BICDL1: variants seen among roughly 807,000 people sequenced by gnomAD.
BICDL1 encodes BICD family like cargo adaptor 1, also known as BICD family-like cargo adapter 1.
In BICDL1, 20 loss-of-function variants were observed where a neutral mutation model predicts 76.8. That is an observed-to-expected ratio of 0.26 (90% CI 0.18 to 0.38). BICDL1 has a LOEUF of 0.38. BICDL1 is among the 10% of genes least tolerant of loss of function. BICDL1 has a pLI of 1.00. For synonymous variants in BICDL1, 383 were observed against 337.1 expected, an observed-to-expected ratio of 1.14 and a Z score of -1.49; for missense variants, 700 against 798.6, an observed-to-expected ratio of 0.88 and a Z score of 1.49.
At chr12:120,072,792 C>A (rs1873208188) in intron 6 of BICDL1, 63 bp downstream of exon 6, 2 of 1,407,102 alleles carry the variant, frequency 1.4e-6, no homozygotes, top group Admixed American at 3.5e-5. Context: ...GGTTAGAACC[C>A]AGTGCATAGG....
chr12:120,067,872 TTC>T (rs1323742802), intron 4 of BICDL1, among the ~76,000 whole-genome samples: 1 of 152,210 alleles, frequency 6.6e-6, no homozygotes, highest in Non-Finnish European at 1.5e-5. Flanking sequence ...ATGTTTTTCT[TTC>T]TGAGTCTCCT....
chr12:120,044,315 G>A (rs976126059), intron 2 of BICDL1, among the ~76,000 whole-genome samples: 1 of 152,176 alleles, frequency 6.6e-6, no homozygotes, highest in African/African-American at 2.4e-5. Context: ...TGGTGGCGGG[G>A]TGAGGTGGGG....
chr12:120,089,925 G>C (rs370456572), intron 8 of BICDL1, 26 bp from the exon 9 acceptor site: 65 of 1,612,440 alleles, frequency 4.0e-5, no homozygotes, highest in Non-Finnish European at 5.3e-5. Context: ...AGGTGTCCAT[G>C]TTCACCCTGG....
chr12:119,990,100 G>T lies in BICDL1; in HGVS notation c.232G>T (p.Ala78Ser), dbSNP rs2138564381. The T allele has an allele frequency of 1.3e-6, 2 of 1,548,894 alleles. No homozygotes were observed. Among genetic ancestry groups the T allele is most frequent in the South Asian group, 2.4e-5 (2 of 83,984 alleles). ...GTCCGACCCCGGGGAACACCCTCAG[G>T]CCGAGCCTGGGTCTCTGGCCGAGGG... ...RPSDPGEHPQ[A>S]EPGSLAEGAG... The change falls in exon 1 of 10, where the codon GCC becomes TCC. Residue 78 changes from alanine to serine, a missense_variant. By Grantham distance (99) the Ala-to-Ser change is moderately conservative (BLOSUM62 1). Around this residue, in one of 3 missense-constraint regions of BICDL1, gnomAD observed 225 missense variants for 199.6 expected, o/e 1.13. Coordinates refer to ENST00000548673, the MANE Select transcript of BICDL1 (RefSeq NM_001367886.1).
Position 120,092,992 on chromosome 12 carries a change from C to T in BICDL1, c.1705-8C>T, listed in dbSNP as rs1316254259. Reference sequence around the variant, plus strand: ...TCAGTCCTGGCCACTGTCCCCTCCCCTCTGCAGGATGACATGCACAGGGTC... The same window carrying T: ...TCAGTCCTGGCCACTGTCCCCTCCCTTCTGCAGGATGACATGCACAGGGTC... On this transcript the variant is annotated splice_region_variant and splice_polypyrimidine_tract_variant and intron_variant, in intron 9 of 9. Coordinates refer to ENST00000548673, the MANE Select transcript of BICDL1 (RefSeq NM_001367886.1). The T allele has an allele frequency of 1.2e-5, 18 of 1,549,346 alleles. No individual in the cohort carries two copies. The highest frequency in any genetic ancestry group is 1.5e-5 in the Non-Finnish European group (17 of 1,146,008).
At chr12:120,040,395 T>C (rs1483044713) in intron 2 of BICDL1, among the ~76,000 whole-genome samples, 2 of 151,844 alleles carry the variant, frequency 1.3e-5, no homozygotes, top group African/African-American at 4.8e-5. Flanking sequence ...CCCAGCCTTC[T>C]TTTTCTTTTC....
intron 9 of BICDL1, 136 bp from the exon 10 acceptor site, chr12:120,092,864 G>A: frequency 1.4e-6 from 2 of 1,438,798 alleles, no homozygotes; most frequent in South Asian, 3.1e-5. Context: ...TTCTTGGTCA[G>A]GGCAGTCCCG....
rs772169138 is a variant in BICDL1 at position 120,093,055 on chromosome 12, G to A, written c.1760G>A (p.Arg587Gln). The A allele has an allele frequency of 3.8e-5, 61 of 1,600,574 alleles. No homozygotes were observed. The Middle Eastern group carries it at 5.0e-4, about 13-fold the overall frequency. The change falls in exon 10 of 10, where the codon CGG becomes CAG. Residue 587 changes from arginine to glutamine, a missense_variant. Physicochemically the swap from Arg to Gln is conservative, Grantham distance 43. Around this residue, in one of 3 missense-constraint regions of BICDL1, gnomAD observed 455 missense variants for 548.7 expected, o/e 0.83. Coordinates refer to ENST00000548673, the MANE Select transcript of BICDL1 (RefSeq NM_001367886.1). ...RQLMDTHLKE[R>Q]SQPAAALCRG... ...CTGATGGACACGCACCTGAAAGAAC[G>A]GAGCCAGCCGGCTGCTGCCCTCTGC...
At chr12:120,040,024 A>G (rs1025097734) in intron 2 of BICDL1, among the ~76,000 whole-genome samples, 71 of 152,202 alleles carry the variant, frequency 4.7e-4, no homozygotes, top group Non-Finnish European at 7.6e-4. Context: ...AGAATGTCCC[A>G]CTGGGATGTT....
chr12:120,091,691 G>A (rs978417655), intron 9 of BICDL1: 54 of 985,290 alleles, frequency 5.5e-5, no homozygotes, highest in African/African-American at 4.9e-4. Flanking sequence ...GAGCCAGAGC[G>A]CGTGAGGGGT....
chr12:119,997,843 C>A (rs945575533), intron 1 of BICDL1, among the ~76,000 whole-genome samples: 3 of 152,048 alleles, frequency 2.0e-5, no homozygotes, highest in Admixed American at 6.6e-5. Flanking sequence ...GGGTGGGGCA[C>A]GGTGGCTCAC....
chr12:120,081,349 CTTTTTTTTT>C (rs1184204926), intron 8 of BICDL1, among the ~76,000 whole-genome samples: 1 of 116,964 alleles, frequency 8.5e-6, no homozygotes. Flanking sequence ...AAGAGCTTTC[CTTTTTTTTT>C]TTTTTTTTTT....
At chr12:120,016,481 C>G in intron 2 of BICDL1, among the ~76,000 whole-genome samples, 1 of 148,780 alleles carries the variant, frequency 6.7e-6, no homozygotes, top group Non-Finnish European at 1.5e-5. Context: ...ACTCTGTCAC[C>G]CATGCTGGAG....
At chr12:119,995,238 C>T (rs1951617179) in intron 1 of BICDL1, among the ~76,000 whole-genome samples, 2 of 152,134 alleles carry the variant, frequency 1.3e-5, no homozygotes, top group Admixed American at 6.5e-5. Flanking sequence ...AAATATAATT[C>T]TAGGAGAAAC....
chr12:120,072,216 T>G (rs1410788338), intron 5 of BICDL1, among the ~76,000 whole-genome samples: 2 of 152,238 alleles, frequency 1.3e-5, no homozygotes, highest in African/African-American at 2.4e-5. Context: ...TTCCCCTGAT[T>G]GTTTTCTGAC....
intron 2 of BICDL1, among the ~76,000 whole-genome samples, chr12:120,013,425 A>G (rs1170775879): frequency 6.8e-6 from 1 of 147,462 alleles, no homozygotes; most frequent in Non-Finnish European, 1.5e-5. Context: ...TGCAGGGACT[A>G]TGTCTTTAAC....
intron 2 of BICDL1, among the ~76,000 whole-genome samples, chr12:120,006,844 G>T (rs1458099951): frequency 6.6e-6 from 1 of 152,084 alleles, no homozygotes; most frequent in Admixed American, 6.6e-5. Flanking sequence ...TATGTTTTTG[G>T]CAGGGGAGCA....
chr12:120,092,552 A>G, intron 9 of BICDL1: 1 of 985,452 alleles, frequency 1.0e-6, no homozygotes, highest in Non-Finnish European at 1.2e-6. Flanking sequence ...AGGCCAGGCC[A>G]TTGGGCTGGG....
intron 8 of BICDL1, among the ~76,000 whole-genome samples, chr12:120,089,024 TCTGACTAG>T (rs1453867335): frequency 1.3e-5 from 2 of 152,204 alleles, no homozygotes; most frequent in African/African-American, 2.4e-5. Context: ...ACTTGGCTAC[TCTGACTAG>T]CTAAGCTATA....
Sources: gnomAD v4.1 joint callset for allele counts (sites outside exome capture counted in the v4.1 genomes callset) on GRCh38, gnomAD v4.1.1 for gene constraint, gnomAD v4.1.1 regional missense constraint, MANE v1.5 for transcripts, NCBI Gene and HGNC (gene_info 2026-07-23, HGNC 2026-07-21) for gene names.